PHC2: variants seen among roughly 807,000 people sequenced by gnomAD.
PHC2 encodes polyhomeotic homolog 2.
In PHC2, 29 loss-of-function variants were observed where a neutral mutation model predicts 87.4. That is an observed-to-expected ratio of 0.33 (90% CI 0.25 to 0.45). PHC2 has a LOEUF of 0.45. Among genes scored for constraint, PHC2 ranks in the 20% least tolerant of loss-of-function variants. PHC2 has a pLI of 1.00. For synonymous variants in PHC2, 438 were observed against 461.7 expected (o/e 0.95, Z 0.66); for missense variants, 857 against 1,136.7 (o/e 0.75, Z 3.54).
chr1:33,351,951 C>CAAAA (rs10718909), intron 9 of PHC2, among the ~76,000 whole-genome samples: 65 of 87,396 alleles, frequency 7.4e-4, no homozygotes, highest in African/African-American at 2.7e-3. Context: ...GAATGCATCT[C>CAAAA]AAAAAAAAAA....
Position 33,331,601 on chromosome 1 carries a change from A to G in PHC2, c.1892-139T>C, listed in dbSNP as rs1646499252. Reference sequence around the variant, plus strand: ...CTGTGACATACAGCAGCATTCTAGCATGGAAAATGCCAGTGGTTCTCACCC... The same window carrying G: ...CTGTGACATACAGCAGCATTCTAGCGTGGAAAATGCCAGTGGTTCTCACCC... On this transcript the variant is annotated intron_variant, in intron 11 of 14. Coordinates refer to ENST00000683057, the MANE Select transcript of PHC2 (RefSeq NM_001385109.1). The surrounding 1 kb of genome is among the most constrained non-coding windows in gnomAD (Gnocchi z 5.2). 1.7e-6 allele frequency: 1 copy of G among 602,292 alleles called. No homozygotes were observed. The highest frequency in any genetic ancestry group is 2.1e-5 in the South Asian group (1 of 47,206). The allele number at this position is 602,292 out of a possible 1,614,324, so 37.3% of individuals were successfully genotyped here.
Position 33,354,835 on chromosome 1 carries a change from C to T in PHC2, c.1392+3G>A, listed in dbSNP as rs757923957. 1.2e-6 allele frequency: 2 copies of T among 1,612,108 alleles called. No individual in the cohort carries two copies. Among genetic ancestry groups the T allele is most frequent in the Admixed American group, 1.7e-5 (1 of 59,960 alleles). Reference sequence around the variant, plus strand: ...CCCTGGACCTTGGGGCTGGCTTACTCACCACTGGTGAAGCAGGCTGCAGTT... The same window carrying T: ...CCCTGGACCTTGGGGCTGGCTTACTTACCACTGGTGAAGCAGGCTGCAGTT... On this transcript the variant is annotated splice_donor_region_variant and intron_variant, in intron 8 of 14. Transcript: ENST00000683057.
At chr1:33,378,327 A>C (rs2148341036) in intron 1 of PHC2, among the ~76,000 whole-genome samples, 1 of 152,344 alleles carries the variant, frequency 6.6e-6, no homozygotes, top group Admixed American at 6.5e-5. Flanking sequence ...GTGAGGTGCA[A>C]TTGAAATTAT....
At chr1:33,377,931 A>T (rs931340612) in intron 1 of PHC2, among the ~76,000 whole-genome samples, 1 of 152,114 alleles carries the variant, frequency 6.6e-6, no homozygotes, top group African/African-American at 2.4e-5. Flanking sequence ...GGTGGCAGGC[A>T]GCAAGTTGCT....
intron 1 of PHC2, among the ~76,000 whole-genome samples, chr1:33,402,887 G>A (rs918465368): frequency 9.9e-5 from 15 of 152,058 alleles, no homozygotes; most frequent in Admixed American, 4.6e-4. Flanking sequence ...GTGCAGTGGC[G>A]CGATCTCGCC....
intron 7 of PHC2, among the ~76,000 whole-genome samples, chr1:33,359,386 C>T (rs550153614): frequency 6.6e-6 from 1 of 152,326 alleles, no homozygotes; most frequent in African/African-American, 2.4e-5. Context: ...CACTCATTTT[C>T]CTAGAAGTCC....
intron 8 of PHC2, 56 bp downstream of exon 8, chr1:33,354,782 C>T (rs1647037645): frequency 3.9e-6 from 6 of 1,555,576 alleles, no homozygotes; most frequent in Middle Eastern, 1.9e-4. Flanking sequence ...GCTGTGGGGT[C>T]GTCCGAGCTG....
At chr1:33,404,875 A>G (rs1649688405) in intron 1 of PHC2, among the ~76,000 whole-genome samples, 1 of 152,222 alleles carries the variant, frequency 6.6e-6, no homozygotes, top group Non-Finnish European at 1.5e-5. Context: ...TTTAAATCTG[A>G]GACAAGGAGA....
At chr1:33,355,403 G>C in intron 7 of PHC2, 150 bp from the exon 8 acceptor site, 1 of 700,454 alleles carries the variant, frequency 1.4e-6, no homozygotes, top group Non-Finnish European at 2.3e-6. Context: ...CCCTGAGCCT[G>C]GCCTGCTCAT....
In PHC2 at chr1:33,324,985, C is replaced by T. The variant is rs1340498522; in HGVS notation, c.2460G>A (p.Gln820=). ...CQEIAEEFRA[Q]EIDGQALLLL... is the part of the protein sequence containing the mutation. ...GCAGCAGGGCTTGCCCGTCGATTTCCTGGGCACGGAATTCCTCTGCTATCT... is the reference window on the plus strand; with the variant it reads ...GCAGCAGGGCTTGCCCGTCGATTTCTTGGGCACGGAATTCCTCTGCTATCT... Residue 820 remains glutamine, a synonymous_variant, in exon 15 of 15, where the codon CAG becomes CAA. Coordinates refer to ENST00000683057, the MANE Select transcript of PHC2 (RefSeq NM_001385109.1). 1.2e-6 allele frequency: 2 copies of T among 1,613,610 alleles called. No individual in the cohort carries two copies. Among genetic ancestry groups the T allele is most frequent in the Non-Finnish European group, 1.7e-6 (2 of 1,179,646 alleles).
chr1:33,372,353 G>GC lies in PHC2; in HGVS notation c.268_269insG (p.Thr90SerfsTer29), dbSNP rs755838782. The stretch of plus-strand genomic sequence containing the variant: ...GAGGTGCTGCTGCTGGAGCGCCGCG[G>GC]TCTGCAGCATGAGGTGCTGCTGCTG... On this transcript the variant is annotated frameshift_variant, in exon 3 of 15. Transcript: ENST00000683057. LOFTEE classifies it high-confidence loss of function. 1.9e-6 allele frequency: 3 copies of GC among 1,605,262 alleles called. No homozygotes were observed. The African/African-American group carries it at 4.0e-5, about 22-fold the overall frequency.
Position 33,324,632 on chromosome 1 carries a change from T to G in PHC2, c.*233A>C, listed in dbSNP as rs918333714. On this transcript the variant is annotated 3_prime_UTR_variant, in exon 15 of 15. Transcript: ENST00000683057. ...TTGGAGGAAGCCAGTGCTATCAATA[T>G]TTACAAGCATAAAGCCCCATCTTCT... The G allele has an allele frequency of 8.9e-6, 4 of 447,232 alleles. No homozygotes were observed. The highest frequency in any genetic ancestry group is 1.2e-5 in the Non-Finnish European group (3 of 250,156). The allele number at this position is 447,232 out of a possible 1,614,324, so 27.7% of individuals were successfully genotyped here.
In PHC2 at chr1:33,349,641, C is replaced by G; in HGVS notation, c.1558+4760G>C. 1 of 983,456 alleles carries G rather than the reference C, an allele frequency of 1.0e-6. No individual in the cohort carries two copies. The highest frequency in any genetic ancestry group is 1.8e-5 in the African/African-American group (1 of 57,034). 60.9% of individuals were successfully genotyped at this position (983,456 alleles called of 1,614,324 possible). On this transcript the variant is annotated intron_variant, in intron 9 of 14. Coordinates refer to ENST00000683057, the MANE Select transcript of PHC2 (RefSeq NM_001385109.1). This position sits in a 1 kb window ranked among gnomAD's most constrained non-coding sequence, Gnocchi z 4.2. ...GCCTGGCCGGGCGGGGCCTACGCAG[C>G]CCCTCGGCCGGGCGCCGACTCGCGC...
In PHC2 at chr1:33,365,149, C is replaced by T. The variant is rs115114063; in HGVS notation, c.976+1967G>A. Among the ~76,000 whole-genome samples the T allele has an allele frequency of 2.4e-3, 358 of 152,288 alleles. 2 individuals carry two copies. Among genetic ancestry groups the T allele is most frequent in the African/African-American group, 8.3e-3 (343 of 41,550 alleles). ...AGTGCGTGACGGATGTGGTAAGCTC[C>T]TGGAGAACCTCTCTGAGCTTCAGTT... On this transcript the variant is annotated intron_variant, in intron 7 of 14. Transcript: ENST00000683057.
chr1:33,351,759 C>CT (rs1484641845), intron 9 of PHC2, among the ~76,000 whole-genome samples: 1 of 152,018 alleles, frequency 6.6e-6, no homozygotes, highest in Non-Finnish European at 1.5e-5. Flanking sequence ...TGAGACCAGC[C>CT]TGGCTAACAT....
In PHC2 at chr1:33,332,487, TA is replaced by T; in HGVS notation, c.1762-84del. ...TCCATCCTCATCACAATTACACGTA[TA>T]AAGTATCCAGGCACAGAGGCCAGCC... On this transcript the variant is annotated intron_variant, in intron 10 of 14. Transcript: ENST00000683057. The surrounding 1 kb of genome is among the most constrained non-coding windows in gnomAD (Gnocchi z 4.2). The T allele has an allele frequency of 6.6e-7, 1 of 1,519,580 alleles. No homozygotes were observed. The highest frequency in any genetic ancestry group is 9.1e-7 in the Non-Finnish European group (1 of 1,099,656). The allele number at this position is 1,519,580 out of a possible 1,614,324, so 94.1% of individuals were successfully genotyped here.
chr1:33,414,636 T>G (rs1650130096), intron 1 of PHC2, among the ~76,000 whole-genome samples: 1 of 152,224 alleles, frequency 6.6e-6, no homozygotes, highest in Admixed American at 6.5e-5. Context: ...CTTAGCCTTA[T>G]TTTGAAATTC....
chr1:33,377,775 A>C (rs926402985), intron 1 of PHC2, among the ~76,000 whole-genome samples: 1 of 152,152 alleles, frequency 6.6e-6, no homozygotes, highest in Admixed American at 6.5e-5. Context: ...TTCTGCTGCT[A>C]TCTCCCCAAT....
intron 9 of PHC2, among the ~76,000 whole-genome samples, chr1:33,353,888 G>A (rs1384810483): frequency 2.0e-5 from 3 of 152,346 alleles, no homozygotes; most frequent in South Asian, 2.1e-4. Context: ...AACTGAGCCC[G>A]CACAGATGGA....
Sources: allele counts gnomAD v4.1 joint callset (sites outside exome capture counted in the v4.1 genomes callset), GRCh38; gene constraint gnomAD v4.1.1; non-coding constraint Gnocchi (gnomAD v3.1); transcripts MANE v1.5; gene names NCBI Gene and HGNC (gene_info 2026-07-23, HGNC 2026-07-21).